KAZN: variants seen among roughly 807,000 people sequenced by gnomAD.
KAZN encodes kazrin.
Under a neutral mutation model 87.4 loss-of-function variants are expected in KAZN, and 40 were observed. The ratio of observed to expected loss-of-function variants is 0.46; its 90% CI spans 0.36 to 0.60. The LOEUF (loss-of-function observed/expected upper bound fraction) is 0.60. Among genes scored for constraint, KAZN ranks in the 20% least tolerant of loss-of-function variants. KAZN has a pLI of 0.00. For synonymous variants in KAZN, 466 were observed against 458.3 expected, an observed-to-expected ratio of 1.02 and a Z score of -0.22; for missense variants, 898 against 1,073.9, an observed-to-expected ratio of 0.84 and a Z score of 2.29.
chr1:14,790,502 A>G (rs914777629), intron 1 of KAZN, among the ~76,000 whole-genome samples: 2 of 152,240 alleles, frequency 1.3e-5, no homozygotes, highest in Non-Finnish European at 2.9e-5. Flanking sequence ...TTAGTATATT[A>G]ACAGAGTTGT....
rs560925708 is a variant in KAZN, at chr1:14,389,602, A to G, written c.249+209010A>G. On this transcript the variant is annotated intron_variant, in intron 2 of 16. Transcript: ENST00000636203. ...GTTAAGTGAAATAAGCCAGGCACAGAAAGTCATACTTCACATATTCTCACT... is the reference window on the plus strand; with the variant it reads ...GTTAAGTGAAATAAGCCAGGCACAGGAAGTCATACTTCACATATTCTCACT... Among the ~76,000 whole-genome samples, 10 of 152,348 alleles carry G rather than the reference A, an allele frequency of 6.6e-5. No individual in the cohort carries two copies. In the East Asian group the frequency reaches 1.9e-3, roughly 29 times the overall value.
intron 2 of KAZN, among the ~76,000 whole-genome samples, chr1:14,321,595 C>T (rs1287304904): frequency 3.9e-5 from 6 of 152,096 alleles, no homozygotes; most frequent in African/African-American, 1.4e-4. Flanking sequence ...GCCAGCTGTG[C>T]AGTCAGTTAT....
chr1:15,104,904 T>C lies in KAZN; in HGVS notation c.2048+715T>C, dbSNP rs560286607. ...AAGCTATGTGCCCAAGATACACAGC[T>C]AGTAAGTGGCAAATCCTAGATTTGT... On this transcript the variant is annotated intron_variant, in intron 13 of 14. Coordinates refer to ENST00000376030, the MANE Select transcript of KAZN (RefSeq NM_201628.3). Among the ~76,000 whole-genome samples the C allele has an allele frequency of 5.4e-4, 83 of 152,344 alleles. 1 individual carries two copies. The South Asian group carries it at 0.017, about 31-fold the overall frequency.
chr1:15,089,755 A>AG (rs1640444817), intron 8 of KAZN, among the ~76,000 whole-genome samples: 1 of 139,128 alleles, frequency 7.2e-6, no homozygotes, highest in Non-Finnish European at 1.5e-5. Flanking sequence ...AAAAAAAAAA[A>AG]AAAAAAAGAG....
chr1:15,109,318 A>G (rs993688564), intron 13 of KAZN, among the ~76,000 whole-genome samples: 2 of 152,114 alleles, frequency 1.3e-5, no homozygotes, highest in Non-Finnish European at 2.9e-5. Context: ...CCAGTAAGCC[A>G]AGATTGCACC....
At chr1:14,560,973 G>A (rs1674220806) in intron 2 of KAZN, among the ~76,000 whole-genome samples, 2 of 152,172 alleles carry the variant, frequency 1.3e-5, no homozygotes, top group African/African-American at 4.8e-5. Context: ...GAAGAGAAGT[G>A]TGTGGCTGTC....
At chr1:14,064,012 G>T (rs1642901611) in intron 1 of KAZN, among the ~76,000 whole-genome samples, 1 of 152,018 alleles carries the variant, frequency 6.6e-6, no homozygotes, top group African/African-American at 2.4e-5. Context: ...CACCTCTTGG[G>T]TTCAAGCAAT....
chr1:14,259,560 T>C lies in KAZN; in HGVS notation c.249+78968T>C, dbSNP rs1650849093. Among the ~76,000 whole-genome samples, 2 of 152,198 alleles carry C rather than the reference T, an allele frequency of 1.3e-5. 1 individual carries two copies. Among genetic ancestry groups the C allele is most frequent in the South Asian group, 4.1e-4 (2 of 4,824 alleles). On this transcript the variant is annotated intron_variant, in intron 2 of 16. Coordinates refer to the KAZN transcript ENST00000636203. ...CCTGGCAAGACCTCCGTCCATCACA[T>C]TGGCCTGGCTGTGGTTCAGGAATCA...
intron 1 of KAZN, among the ~76,000 whole-genome samples, chr1:14,036,293 GGA>G (rs1641555492): frequency 6.6e-6 from 1 of 152,134 alleles, no homozygotes; most frequent in Non-Finnish European, 1.5e-5. Flanking sequence ...ACCTTTATTG[GGA>G]GATGCTAACT....
intron 1 of KAZN, among the ~76,000 whole-genome samples, chr1:14,801,788 A>G (rs1025500504): frequency 5.4e-5 from 8 of 149,216 alleles, no homozygotes; most frequent in Admixed American, 4.0e-4. Flanking sequence ...GGTTCATGCC[A>G]TTCTCCTTCC....
chr1:14,264,604 A>G (rs897953789), intron 2 of KAZN, among the ~76,000 whole-genome samples: 5 of 152,150 alleles, frequency 3.3e-5, no homozygotes, highest in African/African-American at 1.2e-4. Context: ...CTGCCATAGT[A>G]TGATACAGCA....
intron 2 of KAZN, among the ~76,000 whole-genome samples, chr1:14,577,676 C>T (rs1469920749): frequency 6.6e-6 from 1 of 152,144 alleles, no homozygotes; most frequent in Non-Finnish European, 1.5e-5. Flanking sequence ...AATGTGAGCC[C>T]ACTCACTGAG....
At chr1:15,038,418 A>G (rs1027009310) in intron 3 of KAZN, among the ~76,000 whole-genome samples, 1 of 152,262 alleles carries the variant, frequency 6.6e-6, no homozygotes, top group Non-Finnish European at 1.5e-5. Context: ...AGTATTACCT[A>G]TAGCAAATGT....
intron 2 of KAZN, among the ~76,000 whole-genome samples, chr1:14,438,285 T>C (rs901321840): frequency 4.6e-5 from 7 of 152,170 alleles, no homozygotes; most frequent in African/African-American, 1.7e-4. Context: ...GCTGGGGATA[T>C]GTCAATGAGC....
chr1:14,672,608 T>A (rs1639979729), intron 1 of KAZN, among the ~76,000 whole-genome samples: 1 of 152,184 alleles, frequency 6.6e-6, no homozygotes. Context: ...GTGGAAGAAT[T>A]GCTCTCTGAC....
At chr1:14,775,631 C>T (rs1411164946) in intron 1 of KAZN, among the ~76,000 whole-genome samples, 1 of 152,224 alleles carries the variant, frequency 6.6e-6, no homozygotes, top group Non-Finnish European at 1.5e-5. Flanking sequence ...AAAACATGCG[C>T]CATGCTGCTC....
At chr1:14,396,292 TA>T (rs1233159278) in intron 2 of KAZN, among the ~76,000 whole-genome samples, 1 of 152,120 alleles carries the variant, frequency 6.6e-6, no homozygotes, top group Admixed American at 6.6e-5. Flanking sequence ...TGTATGTCTC[TA>T]GGGGGATCTG....
At chr1:14,322,933 C>T (rs1019854268) in intron 2 of KAZN, among the ~76,000 whole-genome samples, 8 of 152,068 alleles carry the variant, frequency 5.3e-5, no homozygotes, top group African/African-American at 1.7e-4. Flanking sequence ...AGAGAGGCTG[C>T]AGGAAACTTA....
intron 2 of KAZN, among the ~76,000 whole-genome samples, chr1:14,238,012 C>T (rs1039351855): frequency 6.6e-6 from 1 of 152,130 alleles, no homozygotes; most frequent in Non-Finnish European, 1.5e-5. Context: ...TCTCTAGTAG[C>T]CTCCAATTTT....
Sources: allele counts gnomAD v4.1 joint callset (sites outside exome capture counted in the v4.1 genomes callset), GRCh38; gene constraint gnomAD v4.1.1; transcripts MANE v1.5; gene names NCBI Gene and HGNC (gene_info 2026-07-23, HGNC 2026-07-21).